Variants in AGAP3 observed in about 807,000 individuals in gnomAD.
AGAP3 encodes the protein ArfGAP with GTPase domain, ankyrin repeat and PH domain 3.
A neutral mutation model predicts 96.9 loss-of-function variants in AGAP3; 24 were observed. The observed-to-expected ratio is 0.25, with a 90% CI of 0.18 to 0.35. The LOEUF (loss-of-function observed/expected upper bound fraction) is 0.35, where lower values mean the gene tolerates loss of function less well. Ranked by LOEUF, AGAP3 falls within the 10% of genes least tolerant of loss-of-function variation. The pLI is 1.00. For synonymous variants in AGAP3, 563 were observed against 536.1 expected (o/e 1.05, Z -0.69); for missense variants, 876 against 1,254.2 (o/e 0.70, Z 4.55).
At chr7:151,122,665 C>G (rs1328429805) in intron 8 of AGAP3, 17 of 1,604,958 alleles carry the variant, frequency 1.1e-5, no homozygotes, top group Non-Finnish European at 1.3e-5. Context: ...CCGGTGCTGA[C>G]CGACTTGTGC....
intron 1 of AGAP3, among the ~76,000 whole-genome samples, chr7:151,093,551 C>T (rs1393803363): frequency 6.6e-6 from 1 of 152,214 alleles, no homozygotes; most frequent in Non-Finnish European, 1.5e-5. Context: ...GCTGCCCGGC[C>T]TCCCCTCTCC....
At chr7:151,106,324 A>C (rs879288043) in intron 1 of AGAP3, among the ~76,000 whole-genome samples, 1 of 152,074 alleles carries the variant, frequency 6.6e-6, no homozygotes, top group Admixed American at 6.6e-5. Flanking sequence ...GCAAAAATTT[A>C]TATTAAATTA....
intron 9 of AGAP3, among the ~76,000 whole-genome samples, chr7:151,125,877 C>T (rs2150501464): frequency 6.6e-6 from 1 of 152,358 alleles, no homozygotes; most frequent in East Asian, 1.9e-4. Flanking sequence ...CCTCTGGGGG[C>T]TGTCGCCTCC....
At chr7:151,124,378 G>A (rs907457267) in intron 9 of AGAP3, among the ~76,000 whole-genome samples, 1 of 152,198 alleles carries the variant, frequency 6.6e-6, no homozygotes. Context: ...CAGTCCTGGG[G>A]GCCCTGGGCC....
chr7:151,123,707 G>C (rs1800029325), intron 8 of AGAP3, 87 bp from the exon 9 acceptor site: 46 of 1,587,902 alleles, frequency 2.9e-5, no homozygotes, highest in Non-Finnish European at 3.9e-5. Flanking sequence ...CAGGAGGAGG[G>C]AGGCAGGAGG....
chr7:151,092,575 T>C (rs1220080773), intron 1 of AGAP3, among the ~76,000 whole-genome samples: 1 of 152,178 alleles, frequency 6.6e-6, no homozygotes, highest in Non-Finnish European at 1.5e-5. Flanking sequence ...GTGAATGTTC[T>C]TCCCTCTGCC....
At chr7:151,123,109 C>T in intron 8 of AGAP3, 1 of 1,138,548 alleles carries the variant, frequency 8.8e-7, no homozygotes, top group Non-Finnish European at 1.1e-6. Context: ...CCCGGCCCGG[C>T]TGCTCCTGGG....
intron 1 of AGAP3, among the ~76,000 whole-genome samples, chr7:151,111,351 CAGG>C (rs1349339839): frequency 1.1e-4 from 17 of 152,332 alleles, no homozygotes; most frequent in African/African-American, 3.6e-4. Context: ...CTCCGGCTTT[CAGG>C]AGAAGGCTTA....
At chr7:151,123,038 G>GC in intron 8 of AGAP3, 1 of 1,337,414 alleles carries the variant, frequency 7.5e-7, no homozygotes, top group Non-Finnish European at 9.6e-7. Flanking sequence ...AGGCAGCTCG[G>GC]CCCCACGCCC....
chr7:151,117,017 GCTT>G, intron 2 of AGAP3, 75 bp from the exon 3 acceptor site: 1 of 1,518,088 alleles, frequency 6.6e-7, no homozygotes, highest in Admixed American at 1.7e-5. Context: ...CCCTCCTGCT[GCTT>G]CTTTGCTTTT....
Position 151,139,967 on chromosome 7 carries a change from TC to T in AGAP3, c.1667-8del. ...CCTTCTTCCCACACTTCTCCAACTCTCCCCTCACCAGCCAGTGGCCCAGCTG... is the reference window on the plus strand; with the variant it reads ...CCTTCTTCCCACACTTCTCCAACTCTCCCTCACCAGCCAGTGGCCCAGCTG... On this transcript the variant is annotated splice_polypyrimidine_tract_variant and intron_variant, in intron 12 of 17. Transcript: ENST00000397238. This position sits in a 1 kb window ranked among gnomAD's most constrained non-coding sequence, Gnocchi z 4.9. 6.5e-7 allele frequency: 1 copy of T among 1,532,992 alleles called. No homozygotes were observed. The highest frequency in any genetic ancestry group is 2.1e-5 in the Admixed American group (1 of 47,908). 95.0% of individuals were successfully genotyped at this position (1,532,992 alleles called of 1,614,324 possible). A position where few individuals can be genotyped will look rare whatever the true frequency, so the allele number is the denominator to read the frequency against.
At chr7:151,120,594 C>T (rs1410447101) in intron 8 of AGAP3, 1 of 1,288,104 alleles carries the variant, frequency 7.8e-7, no homozygotes, top group Admixed American at 2.3e-5. Flanking sequence ...AGAGTCAGAG[C>T]CCAGGCCTCC....
intron 12 of AGAP3, among the ~76,000 whole-genome samples, chr7:151,138,622 C>T (rs1161900255): frequency 3.3e-5 from 5 of 152,228 alleles, no homozygotes; most frequent in Non-Finnish European, 7.3e-5. Context: ...TCTGCAGCTC[C>T]TCCTCCCCTT....
At chr7:151,122,616 G>A (rs1321657112) in intron 8 of AGAP3, 20 of 1,283,342 alleles carry the variant, frequency 1.6e-5, no homozygotes, top group Non-Finnish European at 2.1e-5. Context: ...TCTTCATCCC[G>A]CTGCCGCCGC....
chr7:151,115,638 A>G (rs1585070375), intron 1 of AGAP3: 2 of 1,162,200 alleles, frequency 1.7e-6, no homozygotes, highest in East Asian at 3.9e-5. Flanking sequence ...GCGCGCGCCC[A>G]GCGGTAAGGG....
At chr7:151,095,098 C>T (rs1332892324) in intron 1 of AGAP3, among the ~76,000 whole-genome samples, 1 of 152,230 alleles carries the variant, frequency 6.6e-6, no homozygotes, top group African/African-American at 2.4e-5. Flanking sequence ...TGGTCTCAAA[C>T]TCTTGGCCTC....
rs1800862570 is a variant in AGAP3 at position 151,142,595 on chromosome 7, C to T, written c.2234C>T (p.Ala745Val). ...NALANSVWEG[A>V]LGGYSKPGPD... ...CTCGCCAACAGCGTCTGGGAGGGGGCCTTGGGTGGCTACTCCAAGCCAGGG... is the reference window on the plus strand; with the variant it reads ...CTCGCCAACAGCGTCTGGGAGGGGGTCTTGGGTGGCTACTCCAAGCCAGGG... The change falls in exon 16 of 18, where the codon GCC (alanine) becomes GTC (valine). Residue 745 changes from alanine to valine, a missense_variant. Transcript: ENST00000397238. The surrounding 1 kb of genome is among the most constrained non-coding windows in gnomAD (Gnocchi z 7.5). The T allele has an allele frequency of 1.2e-6, 2 of 1,613,176 alleles. No homozygotes were observed. The highest frequency in any genetic ancestry group is 1.7e-5 in the Admixed American group (1 of 60,010).
chr7:151,130,391 C>T (rs528105204), intron 10 of AGAP3, among the ~76,000 whole-genome samples: 6 of 152,232 alleles, frequency 3.9e-5, no homozygotes, highest in South Asian at 2.1e-4. Flanking sequence ...CAGAGTCACC[C>T]GGCTGGTGGC....
At chr7:151,120,547 T>C (rs1274045380) in intron 8 of AGAP3, 2 of 1,113,350 alleles carry the variant, frequency 1.8e-6, no homozygotes, top group Admixed American at 2.3e-5. Flanking sequence ...GGAAGGCTGT[T>C]TGCCCAAGGC....
Sources: allele counts gnomAD v4.1 joint callset (sites outside exome capture counted in the v4.1 genomes callset), GRCh38; gene constraint gnomAD v4.1.1; non-coding constraint Gnocchi (gnomAD v3.1); transcripts MANE v1.5; gene names NCBI Gene and HGNC (gene_info 2026-07-23, HGNC 2026-07-21).